Variants in SLC39A8 observed in about 807,000 individuals in gnomAD.
SLC39A8 encodes the protein solute carrier family 39 member 8, also known as metal cation symporter ZIP8.
A neutral mutation model predicts 40.4 loss-of-function variants in SLC39A8; 15 were observed. The ratio of observed to expected loss-of-function variants is 0.37; its 90% CI spans 0.25 to 0.57. SLC39A8 has a LOEUF of 0.57. SLC39A8 is among the 20% of genes least tolerant of loss of function. The pLI is 0.75. For missense variants in SLC39A8, 472 were observed against 558.8 expected (o/e 0.84, Z 1.57); for synonymous variants, 223 against 221.6 (o/e 1.01, Z -0.06).
intron 6 of SLC39A8, among the ~76,000 whole-genome samples, chr4:102,294,772 C>A (rs748855734): frequency 2.0e-5 from 3 of 151,806 alleles, no homozygotes; most frequent in Non-Finnish European, 4.4e-5. Context: ...AAAAACTCAA[C>A]TAAAAATGTG....
intron 6 of SLC39A8, among the ~76,000 whole-genome samples, chr4:102,279,085 TGTATAC>T (rs1279640553): frequency 1.3e-5 from 2 of 151,870 alleles, no homozygotes; most frequent in African/African-American, 4.8e-5. Flanking sequence ...CCATGGCACA[TGTATAC>T]CTATATAACA....
chr4:102,342,997 A>C (rs1028256562), intron 2 of SLC39A8, among the ~76,000 whole-genome samples: 3 of 152,192 alleles, frequency 2.0e-5, no homozygotes, highest in African/African-American at 4.8e-5. Flanking sequence ...CCCCTATTTG[A>C]TAAGAAAAGA....
intron 2 of SLC39A8, among the ~76,000 whole-genome samples, chr4:102,337,932 T>G (rs552724050): frequency 6.6e-6 from 1 of 152,122 alleles, no homozygotes; most frequent in African/African-American, 2.4e-5. Flanking sequence ...TTCATCACAT[T>G]TGGTATAAGC....
Position 102,329,813 on chromosome 4 carries a change from T to C in SLC39A8, c.220-13983A>G, listed in dbSNP as rs141369564. ...CTCCTCAGTAAATGCAAAAGAATGG[T>C]AATCATAACAAACTGTCTCTCCCAG... On this transcript the variant is annotated intron_variant, in intron 2 of 8. Transcript: ENST00000356736. Among the ~76,000 whole-genome samples the C allele has an allele frequency of 1.5e-4, 23 of 152,194 alleles. No individual in the cohort carries two copies. The East Asian group carries it at 4.4e-3, about 29-fold the overall frequency.
intron 6 of SLC39A8, among the ~76,000 whole-genome samples, chr4:102,295,105 G>T (rs1452608919): frequency 6.8e-6 from 1 of 148,066 alleles, no homozygotes; most frequent in Non-Finnish European, 1.5e-5. Context: ...TAATATATAT[G>T]TATATGATAC....
intron 6 of SLC39A8, among the ~76,000 whole-genome samples, chr4:102,277,602 A>G (rs1427591602): frequency 2.6e-5 from 4 of 152,210 alleles, no homozygotes; most frequent in Non-Finnish European, 5.9e-5. Flanking sequence ...ACAAGCTACC[A>G]TTGACTTTCT....
intron 2 of SLC39A8, among the ~76,000 whole-genome samples, chr4:102,340,986 G>T (rs1401529880): frequency 1.3e-5 from 2 of 152,228 alleles, no homozygotes; most frequent in Non-Finnish European, 2.9e-5. Context: ...GAGTAGTTTA[G>T]TTTAGTGGGT....
chr4:102,273,338 A>G (rs1732456279), intron 6 of SLC39A8, among the ~76,000 whole-genome samples: 1 of 152,146 alleles, frequency 6.6e-6, no homozygotes, highest in Non-Finnish European at 1.5e-5. Context: ...AGGAAGTTCA[A>G]ACTGAGCGGA....
intron 7 of SLC39A8, 22 bp downstream of exon 7, chr4:102,267,850 C>T (rs752735871): frequency 6.2e-7 from 1 of 1,611,322 alleles, no homozygotes; most frequent in Admixed American, 1.7e-5. Flanking sequence ...CAGACTTTTA[C>T]AATATGAACA....
At chr4:102,275,794 C>T (rs1272828403) in intron 6 of SLC39A8, among the ~76,000 whole-genome samples, 1 of 152,162 alleles carries the variant, frequency 6.6e-6, no homozygotes, top group Non-Finnish European at 1.5e-5. Flanking sequence ...TCTCTCAGAC[C>T]ATAGTGCAAT....
chr4:102,292,333 A>G (rs925343855), intron 6 of SLC39A8, among the ~76,000 whole-genome samples: 5 of 152,104 alleles, frequency 3.3e-5, no homozygotes, highest in African/African-American at 1.2e-4. Flanking sequence ...TTATTTGTCA[A>G]TTTAATTAAT....
intron 2 of SLC39A8, among the ~76,000 whole-genome samples, chr4:102,330,399 C>T (rs1299726196): frequency 5.3e-5 from 8 of 152,088 alleles, no homozygotes; most frequent in Admixed American, 2.0e-4. Context: ...AACACCTCAA[C>T]GCAAATAAAC....
rs570244149 is a variant in SLC39A8, at chr4:102,267,059, T to C, written c.1233+431A>G. On this transcript the variant is annotated intron_variant, in intron 8 of 8. Transcript: ENST00000356736. ...TTAGTTTAACCCAAAAAGCTGTCAC[T>C]GTTTAGAACTTTGAAATAACAAAAT... 5.3e-5 allele frequency among the ~76,000 whole-genome samples: 8 copies of C among 152,362 alleles called. 1 individual carries two copies. Among genetic ancestry groups the C allele is most frequent in the African/African-American group, 1.9e-4 (8 of 41,578 alleles).
chr4:102,318,591 G>T (rs1734762144), intron 2 of SLC39A8, among the ~76,000 whole-genome samples: 1 of 152,098 alleles, frequency 6.6e-6, no homozygotes, highest in Non-Finnish European at 1.5e-5. Flanking sequence ...CTCCCAGAGT[G>T]GGAACAAACA....
chr4:102,308,049 T>C (rs931470121), intron 3 of SLC39A8, among the ~76,000 whole-genome samples: 1 of 151,850 alleles, frequency 6.6e-6, no homozygotes, highest in Non-Finnish European at 1.5e-5. Flanking sequence ...AGGGCAGGGA[T>C]GGAGATGGGT....
At chr4:102,282,568 G>T (rs184855683) in intron 6 of SLC39A8, among the ~76,000 whole-genome samples, 30 of 151,918 alleles carry the variant, frequency 2.0e-4, no homozygotes, top group Non-Finnish European at 3.5e-4. Context: ...TTTTGGCCGA[G>T]AATTTAGCGT....
Position 102,344,819 on chromosome 4 carries a change from T to C in SLC39A8, c.-157A>G, listed in dbSNP as rs1428272496. 2.3e-6 allele frequency: 3 copies of C among 1,321,400 alleles called. No homozygotes were observed. Among genetic ancestry groups the C allele is most frequent in the African/African-American group, 3.1e-5 (2 of 64,538 alleles). The allele number at this position is 1,321,400 out of a possible 1,614,324, so 81.9% of individuals were successfully genotyped here. ...GGACGCCCCTGGTTCTCCGACGCCTTCGAAAGAACAGCAGCTCGCGACCTG... is the reference window on the plus strand; with the variant it reads ...GGACGCCCCTGGTTCTCCGACGCCTCCGAAAGAACAGCAGCTCGCGACCTG... On this transcript the variant is annotated 5_prime_UTR_variant, in exon 2 of 9. Transcript: ENST00000356736.
intron 6 of SLC39A8, among the ~76,000 whole-genome samples, chr4:102,282,141 C>A (rs1343233607): frequency 6.6e-6 from 1 of 152,112 alleles, no homozygotes; most frequent in East Asian, 1.9e-4. Context: ...AGGATTTGAG[C>A]CTCCATGCCA....
At chr4:102,320,571 T>C (rs1323075539) in intron 2 of SLC39A8, among the ~76,000 whole-genome samples, 1 of 1,854 alleles carries the variant, frequency 5.4e-4, no homozygotes, top group Non-Finnish European at 9.2e-4. Flanking sequence ...AATATATATA[T>C]GAGAGTATAT....
Sources: gnomAD v4.1 joint callset for allele counts (sites outside exome capture counted in the v4.1 genomes callset) on GRCh38, gnomAD v4.1.1 for gene constraint, MANE v1.5 for transcripts, NCBI Gene and HGNC (gene_info 2026-07-23, HGNC 2026-07-21) for gene names.